Variants in ROBO1 observed in about 807,000 individuals in gnomAD.
ROBO1 encodes the protein roundabout homolog 1.
A neutral mutation model predicts 195.9 loss-of-function variants in ROBO1; 149 were observed. That is an observed-to-expected ratio of 0.76 (90% CI 0.67 to 0.87). ROBO1 has a LOEUF of 0.87. ROBO1 is among the 40% of genes least tolerant of loss of function. The pLI is 0.00. For synonymous variants in ROBO1, 816 were observed against 733.2 expected, an observed-to-expected ratio of 1.11 and a Z score of -1.82; for missense variants, 1,933 against 2,068.3, an observed-to-expected ratio of 0.93 and a Z score of 1.27.
intron 2 of ROBO1, among the ~76,000 whole-genome samples, chr3:79,564,788 C>T (rs950890337): frequency 2.6e-5 from 4 of 151,892 alleles, no homozygotes; most frequent in Admixed American, 6.6e-5. Flanking sequence ...TATTTAAATG[C>T]TTCATGCTTT....
At chr3:78,669,497 G>A (rs1205719303) in intron 11 of ROBO1, among the ~76,000 whole-genome samples, 1 of 152,140 alleles carries the variant, frequency 6.6e-6, no homozygotes, top group African/African-American at 2.4e-5. Flanking sequence ...CATAAAAAAA[G>A]AAGAAAAATC....
intron 4 of ROBO1, among the ~76,000 whole-genome samples, chr3:78,867,560 G>A (rs1452284942): frequency 6.6e-6 from 1 of 152,134 alleles, no homozygotes; most frequent in Non-Finnish European, 1.5e-5. Flanking sequence ...TTTATTACAA[G>A]AATGCAGTAG....
At chr3:79,351,419 T>C (rs943259614) in intron 2 of ROBO1, among the ~76,000 whole-genome samples, 4 of 152,222 alleles carry the variant, frequency 2.6e-5, no homozygotes, top group African/African-American at 9.6e-5. Context: ...CTATATATAG[T>C]TGACAATAAT....
At chr3:79,605,920 G>A (rs1355923854) in intron 1 of ROBO1, among the ~76,000 whole-genome samples, 2 of 151,272 alleles carry the variant, frequency 1.3e-5, no homozygotes, top group East Asian at 2.0e-4. Context: ...AGTAAAACAC[G>A]CTCAGTGTAA....
intron 1 of ROBO1, among the ~76,000 whole-genome samples, chr3:79,690,579 A>T (rs1405944331): frequency 6.6e-6 from 1 of 152,036 alleles, no homozygotes; most frequent in Non-Finnish European, 1.5e-5. Flanking sequence ...GAATGGTGAG[A>T]TTCTAAACTT....
intron 1 of ROBO1, among the ~76,000 whole-genome samples, chr3:79,670,342 G>A (rs567110679): frequency 1.1e-4 from 16 of 151,878 alleles, no homozygotes; most frequent in Non-Finnish European, 1.8e-4. Context: ...AGAATAAAGG[G>A]AATTATGGTT....
intron 2 of ROBO1, among the ~76,000 whole-genome samples, chr3:79,470,842 C>T (rs917115110): frequency 2.6e-5 from 4 of 152,092 alleles, no homozygotes; most frequent in African/African-American, 4.8e-5. Context: ...AACCTCTTTC[C>T]TTTATAAATT....
chr3:78,758,318 A>C (rs1470468772), intron 4 of ROBO1, among the ~76,000 whole-genome samples: 1 of 152,140 alleles, frequency 6.6e-6, no homozygotes, highest in Non-Finnish European at 1.5e-5. Context: ...CAGCAGTTTG[A>C]GACCAGCCTG....
intron 2 of ROBO1, among the ~76,000 whole-genome samples, chr3:79,136,511 G>A (rs1054064414): frequency 4.6e-5 from 7 of 152,108 alleles, no homozygotes; most frequent in Non-Finnish European, 5.9e-5. Context: ...TATGAGAATT[G>A]TGTTCTACAA....
chr3:79,763,680 C>T lies in ROBO1; in HGVS notation c.-51+4072G>A, dbSNP rs567236520. Among the ~76,000 whole-genome samples, 21 of 152,170 alleles carry T rather than the reference C, an allele frequency of 1.4e-4. No individual in the cohort carries two copies. In the East Asian group the frequency reaches 4.1e-3, roughly 29 times the overall value. On this transcript the variant is annotated intron_variant, in intron 1 of 30. Coordinates refer to ENST00000464233, the MANE Select transcript of ROBO1 (RefSeq NM_002941.4). ...GAAAATGGAAAGCCCCTCAGTTTTC[C>T]CCAAGTGCTCTGACCCCCAGAGATG... is the stretch of plus-strand genomic sequence containing the variant.
chr3:79,714,353 A>T (rs1331591943), intron 1 of ROBO1, among the ~76,000 whole-genome samples: 1 of 152,060 alleles, frequency 6.6e-6, no homozygotes, highest in South Asian at 2.1e-4. Flanking sequence ...GAAACAACAG[A>T]TGCTGGAGAG....
intron 2 of ROBO1, among the ~76,000 whole-genome samples, chr3:79,159,746 T>C (rs1394234225): frequency 6.6e-6 from 1 of 152,032 alleles, no homozygotes; most frequent in Admixed American, 6.6e-5. Flanking sequence ...CTATATACTA[T>C]AATGATTCTT....
intron 1 of ROBO1, among the ~76,000 whole-genome samples, chr3:79,695,183 GATAT>G (rs1429396306): frequency 1.3e-5 from 2 of 151,404 alleles, no homozygotes; most frequent in Non-Finnish European, 3.0e-5. Context: ...TCTGATAACT[GATAT>G]ATATTGTCTT....
chr3:79,501,807 T>C (rs910557919), intron 2 of ROBO1, among the ~76,000 whole-genome samples: 7 of 152,234 alleles, frequency 4.6e-5, no homozygotes, highest in Admixed American at 6.5e-5. Flanking sequence ...TCCATCAACA[T>C]ACATGCTTCC....
chr3:79,439,746 T>G (rs2038994619), intron 2 of ROBO1, among the ~76,000 whole-genome samples: 1 of 152,148 alleles, frequency 6.6e-6, no homozygotes, highest in Admixed American at 6.6e-5. Context: ...CTTTGAAAAG[T>G]AATAAAAATT....
chr3:78,701,553 A>G (rs1412292233), intron 8 of ROBO1, among the ~76,000 whole-genome samples: 1 of 152,178 alleles, frequency 6.6e-6, no homozygotes, highest in Non-Finnish European at 1.5e-5. Flanking sequence ...AATCAGGTCA[A>G]AATTATTTAT....
chr3:79,761,232 C>T (rs947767703), intron 1 of ROBO1, among the ~76,000 whole-genome samples: 1 of 149,388 alleles, frequency 6.7e-6, no homozygotes, highest in African/African-American at 2.4e-5. Flanking sequence ...TAACTGTACC[C>T]GAAGCAACTT....
chr3:79,032,232 A>T (rs2078309187), intron 3 of ROBO1, among the ~76,000 whole-genome samples: 1 of 152,052 alleles, frequency 6.6e-6, no homozygotes, highest in Admixed American at 6.6e-5. Flanking sequence ...AATACACAAT[A>T]CAGGGTACAT....
intron 3 of ROBO1, among the ~76,000 whole-genome samples, chr3:78,975,887 A>C (rs955842767): frequency 2.0e-5 from 3 of 152,204 alleles, no homozygotes; most frequent in African/African-American, 7.2e-5. Context: ...GCAGACCATT[A>C]TTTCCTAACA....
Sources: gnomAD v4.1 joint callset for allele counts (sites outside exome capture counted in the v4.1 genomes callset) on GRCh38, gnomAD v4.1.1 for gene constraint, MANE v1.5 for transcripts, NCBI Gene and HGNC (gene_info 2026-07-23, HGNC 2026-07-21) for gene names.